THEMIS2: variants seen among roughly 807,000 people sequenced by gnomAD.
The protein encoded by THEMIS2 is thymocyte selection associated family member 2.
In THEMIS2, 29 loss-of-function variants were observed where a neutral mutation model predicts 46.8. That is an observed-to-expected ratio of 0.62 (90% CI 0.46 to 0.84). The LOEUF is 0.84. THEMIS2 is among the 40% of genes least tolerant of loss of function. The pLI is 0.00. For missense variants in THEMIS2, 698 were observed against 834.7 expected, an observed-to-expected ratio of 0.84 and a Z score of 2.02; for synonymous variants, 335 against 349.1, an observed-to-expected ratio of 0.96 and a Z score of 0.45.
chr1:27,885,070 A>T (rs899473217), intron 4 of THEMIS2: 6 of 455,676 alleles, frequency 1.3e-5, no homozygotes, highest in African/African-American at 1.2e-4. Flanking sequence ...CCCTGTCTCC[A>T]ACCCCCAACC....
intron 2 of THEMIS2, among the ~76,000 whole-genome samples, chr1:27,877,142 C>T (rs11247703): frequency 6.6e-6 from 1 of 151,902 alleles, no homozygotes; most frequent in Non-Finnish European, 1.5e-5. Flanking sequence ...TGAGAGGAGG[C>T]CAACAGTAAA....
At position 27,882,227 on chromosome 1, in the gene THEMIS2, C is replaced by A; in HGVS notation, c.903C>A (p.Val301=). The change falls in exon 4 of 6, where the codon GTC becomes GTA. Residue 301 remains valine (V), a synonymous_variant. Coordinates refer to ENST00000373921, the MANE Select transcript of THEMIS2 (RefSeq NM_001105556.3). The surrounding 1 kb of genome is among the most constrained non-coding windows in gnomAD (Gnocchi z 7.6). The stretch of plus-strand genomic sequence containing the variant: ...GCCTAGCCTCACCACCCTGGCGGGT[C>A]CTGGCCTCAAGCAAGGGCCGCAAGG... ...VYGLASPPWR[V]LASSKGRKVP... is the part of the protein sequence containing the mutation. 6.2e-7 allele frequency: 1 copy of A among 1,608,988 alleles called. No homozygotes were observed. Among genetic ancestry groups the A allele is most frequent in the Non-Finnish European group, 8.5e-7 (1 of 1,176,732 alleles).
Position 27,872,692 on chromosome 1 carries a change from G to T in THEMIS2, c.94+27G>T. The T allele has an allele frequency of 7.6e-7, 1 of 1,308,494 alleles. No homozygotes were observed. Among genetic ancestry groups the T allele is most frequent in the Non-Finnish European group, 9.8e-7 (1 of 1,023,216 alleles). The allele number at this position is 1,308,494 out of a possible 1,614,324, so 81.1% of individuals were successfully genotyped here. A position where few individuals can be genotyped will look rare whatever the true frequency, so the allele number is the denominator to read the frequency against. On this transcript the variant is annotated intron_variant, in intron 1 of 5. Transcript: ENST00000373921. The surrounding 1 kb of genome is among the most constrained non-coding windows in gnomAD (Gnocchi z 4.9). ...TGAGCGGGGGCTGGAACCCCTCCGA[G>T]CACTCCCTTGGTGTGGGGCGGGGGC...
Position 27,882,511 on chromosome 1 carries a change from A to G in THEMIS2, c.1187A>G (p.Gln396Arg). Residue 396 changes from glutamine to arginine, a missense_variant, in exon 4 of 6, where the codon CAG (glutamine) becomes CGG (arginine). Transcript: ENST00000373921. This position sits in a 1 kb window ranked among gnomAD's most constrained non-coding sequence, Gnocchi z 7.6. ...AGTGACGTGGATGTCTTGGTTTGTCAGCGGCTGAGTGACCAGGCTGGGGAG... is the reference window on the plus strand; with the variant it reads ...AGTGACGTGGATGTCTTGGTTTGTCGGCGGCTGAGTGACCAGGCTGGGGAG... ...QGSDVDVLVC[Q>R]RLSDQAGEDE... 6.2e-7 allele frequency: 1 copy of G among 1,613,658 alleles called. No homozygotes were observed. Among genetic ancestry groups the G allele is most frequent in the Non-Finnish European group, 8.5e-7 (1 of 1,179,616 alleles).
chr1:27,879,620 C>T, intron 2 of THEMIS2, 24 bp from the exon 3 acceptor site: 1 of 1,560,790 alleles, frequency 6.4e-7, no homozygotes, highest in Non-Finnish European at 8.7e-7. Flanking sequence ...CAGTGACCTG[C>T]CTGCTCTCTG....
At position 27,879,648 on chromosome 1, in the gene THEMIS2, C is replaced by T; in HGVS notation, c.240C>T (p.Tyr80=). The change falls in exon 3 of 6, where the codon TAC becomes TAT. Residue 80 remains tyrosine, a synonymous_variant. Coordinates refer to ENST00000373921, the MANE Select transcript of THEMIS2 (RefSeq NM_001105556.3). Reference sequence around the variant, plus strand: ...GCTCTCTGCTGTCCCCCACAGGCTACTTCACCCCCCTCAACACCCCACAGA... The same window carrying T: ...GCTCTCTGCTGTCCCCCACAGGCTATTTCACCCCCCTCAACACCCCACAGA... ...TMELAPNFQG[Y]FTPLNTPQSY... The T allele has an allele frequency of 6.3e-7, 1 of 1,592,366 alleles. No individual in the cohort carries two copies. Among genetic ancestry groups the T allele is most frequent in the Non-Finnish European group, 8.6e-7 (1 of 1,165,366 alleles).
At position 27,877,814 on chromosome 1, in the gene THEMIS2, T is replaced by C. The variant is rs1417037872; in HGVS notation, c.235+1086T>C. Among the ~76,000 whole-genome samples the C allele has an allele frequency of 2.0e-5, 3 of 152,058 alleles. No homozygotes were observed. The East Asian group carries it at 5.8e-4, about 29-fold the overall frequency. Reference sequence around the variant, plus strand: ...AGGGCGATTAGGCTTGATATGAGGATGAAATGAGCTGATATGTATACAGCA... The same window carrying C: ...AGGGCGATTAGGCTTGATATGAGGACGAAATGAGCTGATATGTATACAGCA... On this transcript the variant is annotated intron_variant, in intron 2 of 5. Coordinates refer to ENST00000373921, the MANE Select transcript of THEMIS2 (RefSeq NM_001105556.3).
Position 27,882,139 on chromosome 1 carries a change from G to A in THEMIS2, c.815G>A (p.Arg272His), listed in dbSNP as rs768514587. 2.7e-5 allele frequency: 43 copies of A among 1,614,082 alleles called. 1 individual carries two copies. In the South Asian group the frequency reaches 3.5e-4, roughly 13 times the overall value. ...GAGATCCTGGAGGTTCCTGAGGGCC[G>A]CCCCATCTTCCTCAGCCCGTGGGTG... ...SMEILEVPEGRPIFLSPWVGS... is the reference protein window; with the variant it reads ...SMEILEVPEGHPIFLSPWVGS... The change falls in exon 4 of 6, where the codon CGC becomes CAC. Residue 272 changes from arginine to histidine, a missense_variant. By Grantham distance (29) the Arg-to-His change is conservative. Transcript: ENST00000373921. The surrounding 1 kb of genome is among the most constrained non-coding windows in gnomAD (Gnocchi z 7.6).
chr1:27,880,204 C>CTT, intron 3 of THEMIS2, 150 bp downstream of exon 3: 5 of 935,372 alleles, frequency 5.3e-6, no homozygotes, highest in East Asian at 2.7e-5. Flanking sequence ...TGAAGTTATT[C>CTT]TTTTTTTTTG....
chr1:27,885,717 T>G (rs2089758697), intron 5 of THEMIS2, 150 bp from the exon 6 acceptor site: 1 of 808,462 alleles, frequency 1.2e-6, no homozygotes, highest in Admixed American at 2.6e-5. Flanking sequence ...TGCAAAGTGT[T>G]GAGACAGAAC....
chr1:27,873,342 G>A (rs537471250), intron 1 of THEMIS2, among the ~76,000 whole-genome samples: 15 of 152,278 alleles, frequency 9.9e-5, no homozygotes, highest in Non-Finnish European at 2.2e-4. Flanking sequence ...ACAGACAGTG[G>A]AGGGCAGGGT....
In THEMIS2 at chr1:27,883,044, G is replaced by A; in HGVS notation, c.1719+1G>A. 6.2e-7 allele frequency: 1 copy of A among 1,611,286 alleles called. No individual in the cohort carries two copies. Among genetic ancestry groups the A allele is most frequent in the Non-Finnish European group, 8.5e-7 (1 of 1,178,572 alleles). ...ACACAGCAGTGAGGGAGGCGTCAAG[G>A]TACTAGTATAATCCCAGAGGGCACG... On this transcript the variant is annotated splice_donor_variant, in intron 4 of 5. Coordinates refer to ENST00000373921, the MANE Select transcript of THEMIS2 (RefSeq NM_001105556.3). LOFTEE classifies it high-confidence loss of function.
chr1:27,886,436 A>T lies in THEMIS2; in HGVS notation c.*514A>T, dbSNP rs564786907. ...ATATGGTAAACAGGGGTTTAACCAC[A>T]TGTGGTTAACATGGATTAATGTGGG... On this transcript the variant is annotated 3_prime_UTR_variant, in exon 6 of 6. Transcript: ENST00000373921. 1 of 154,244 alleles carries T rather than the reference A, an allele frequency of 6.5e-6. No homozygotes were observed. Among genetic ancestry groups the T allele is most frequent in the East Asian group, 1.9e-4 (1 of 5,214 alleles). 9.6% of individuals were successfully genotyped at this position (154,244 alleles called of 1,614,324 possible). A position where few individuals can be genotyped will look rare whatever the true frequency, so the allele number is the denominator to read the frequency against.
At position 27,872,723 on chromosome 1, in the gene THEMIS2, C is replaced by CT; in HGVS notation, c.94+58_94+59insT. 8.2e-7 allele frequency: 1 copy of CT among 1,224,888 alleles called. No homozygotes were observed. Among genetic ancestry groups the CT allele is most frequent in the Non-Finnish European group, 1.0e-6 (1 of 969,854 alleles). 75.9% of individuals were successfully genotyped at this position (1,224,888 alleles called of 1,614,324 possible). ...CCTTGGTGTGGGGCGGGGGCAGAGA[C>CT]CCGGAGAAGACGTTAGCAATCCGGG... On this transcript the variant is annotated intron_variant, in intron 1 of 5. Coordinates refer to ENST00000373921, the MANE Select transcript of THEMIS2 (RefSeq NM_001105556.3). The surrounding 1 kb of genome is among the most constrained non-coding windows in gnomAD (Gnocchi z 4.9).
chr1:27,883,185 T>G (rs1056975513), intron 4 of THEMIS2, 142 bp downstream of exon 4: 15 of 715,764 alleles, frequency 2.1e-5, no homozygotes, highest in Non-Finnish European at 2.7e-5. Flanking sequence ...ATTATTCTCA[T>G]TCCACCTCAC....
chr1:27,885,259 T>C (rs2148644764), intron 4 of THEMIS2, 36 bp from the exon 5 acceptor site: 3 of 1,609,566 alleles, frequency 1.9e-6, no homozygotes, highest in Non-Finnish European at 2.5e-6. Context: ...TCCCCATTTC[T>C]TGAGACCCTG....
chr1:27,881,848 A>G, intron 3 of THEMIS2, 123 bp from the exon 4 acceptor site: 2 of 744,052 alleles, frequency 2.7e-6, no homozygotes, highest in East Asian at 2.8e-5. Flanking sequence ...ATCTCAAAAA[A>G]AAAAAAAGAA....
At chr1:27,881,900 A>G (rs977312061) in intron 3 of THEMIS2, 71 bp from the exon 4 acceptor site, 331 of 1,294,412 alleles carry the variant, frequency 2.6e-4, no homozygotes, top group Non-Finnish European at 2.8e-4. Context: ...GGCCCAGCCA[A>G]TGCTCTATGC....
rs1045695946 is a variant in THEMIS2, at chr1:27,886,162, G to A, written c.*240G>A. 2 of 532,752 alleles carry A rather than the reference G, an allele frequency of 3.8e-6. No individual in the cohort carries two copies. The highest frequency in any genetic ancestry group is 1.9e-5 in the African/African-American group (1 of 52,374). 33.0% of individuals were successfully genotyped at this position (532,752 alleles called of 1,614,324 possible). ...CTCGCACGTGACTCCCTCAGCCTCA[G>A]AGCCTTGGGATGCAGAGCAGCTGGC... On this transcript the variant is annotated 3_prime_UTR_variant, in exon 6 of 6. Transcript: ENST00000373921.
Sources: gnomAD v4.1 joint callset for allele counts (sites outside exome capture counted in the v4.1 genomes callset) on GRCh38, gnomAD v4.1.1 for gene constraint, Gnocchi (gnomAD v3.1) non-coding constraint, MANE v1.5 for transcripts, NCBI Gene and HGNC (gene_info 2026-07-23, HGNC 2026-07-21) for gene names.